The following POU2F3 variants were observed in gnomAD, a reference collection of about 807,000 sequenced individuals.
The protein encoded by POU2F3 is POU class 2 homeobox 3.
Under a neutral mutation model 59.2 loss-of-function variants are expected in POU2F3, and 23 were observed. That is an observed-to-expected ratio of 0.39 (90% CI 0.28 to 0.55). POU2F3 has a LOEUF of 0.55. Ranked by LOEUF, POU2F3 falls within the 20% of genes least tolerant of loss-of-function variation. The pLI is 0.66. For synonymous variants in POU2F3, 190 were observed against 214.6 expected, an observed-to-expected ratio of 0.89 and a Z score of 1.00; for missense variants, 473 against 544.5, an observed-to-expected ratio of 0.87 and a Z score of 1.31.
intron 6 of POU2F3, 36 bp downstream of exon 6, chr11:120,302,404 T>C (rs1426890964): frequency 6.5e-7 from 1 of 1,541,320 alleles, no homozygotes; most frequent in African/African-American, 1.4e-5. Context: ...CCTCTAGGAA[T>C]GTCTCAGCTC....
Position 120,307,693 on chromosome 11 carries a change from G to A in POU2F3, c.906+78G>A, listed in dbSNP as rs974033327. ...GAGCAGACACGGCCCAGGCCCCTTG[G>A]CACCAGCCCCTCCGCACCTCACACC... On this transcript the variant is annotated intron_variant, in intron 9 of 12. Coordinates refer to ENST00000543440, the MANE Select transcript of POU2F3 (RefSeq NM_014352.4). The A allele has an allele frequency of 5.7e-6, 9 of 1,570,414 alleles. No individual in the cohort carries two copies. In the African/African-American group the frequency reaches 8.1e-5, roughly 14 times the overall value.
chr11:120,282,986 T>C (rs1482430433), intron 3 of POU2F3, among the ~76,000 whole-genome samples: 2 of 152,210 alleles, frequency 1.3e-5, no homozygotes, highest in Non-Finnish European at 2.9e-5. Context: ...CATGGGTTCC[T>C]GCAGAGGCCA....
intron 1 of POU2F3, among the ~76,000 whole-genome samples, chr11:120,242,646 C>T (rs184641416): frequency 1.3e-5 from 2 of 152,256 alleles, no homozygotes; most frequent in Admixed American, 6.5e-5. Flanking sequence ...GGCTTGCTCC[C>T]GGGTCGCCCA....
intron 3 of POU2F3, among the ~76,000 whole-genome samples, chr11:120,290,400 A>G (rs1940977326): frequency 6.6e-6 from 1 of 152,164 alleles, no homozygotes; most frequent in Admixed American, 6.5e-5. Context: ...ACCATACATA[A>G]AAGCAATGTA....
intron 10 of POU2F3, among the ~76,000 whole-genome samples, chr11:120,312,822 T>C (rs889815113): frequency 7.9e-5 from 12 of 152,204 alleles, no homozygotes; most frequent in African/African-American, 2.7e-4. Flanking sequence ...GGAGCTTCTC[T>C]GAGGAATGAT....
intron 2 of POU2F3, among the ~76,000 whole-genome samples, chr11:120,249,597 G>A (rs938500232): frequency 1.3e-5 from 2 of 152,116 alleles, no homozygotes; most frequent in African/African-American, 4.8e-5. Flanking sequence ...TATTTCAAAA[G>A]CCCCCAGGTC....
chr11:120,308,038 A>G (rs2135121251), intron 9 of POU2F3, among the ~76,000 whole-genome samples: 1 of 152,272 alleles, frequency 6.6e-6, no homozygotes, highest in South Asian at 2.1e-4. Context: ...CTTATTGTAA[A>G]CAATTTAAGT....
At chr11:120,268,542 T>G (rs1324798822) in intron 2 of POU2F3, among the ~76,000 whole-genome samples, 1 of 152,162 alleles carries the variant, frequency 6.6e-6, no homozygotes, top group Non-Finnish European at 1.5e-5. Context: ...GGGGTCTCAC[T>G]GTGTTGCTCA....
At chr11:120,277,854 AATTT>A (rs1281824318) in intron 3 of POU2F3, among the ~76,000 whole-genome samples, 2 of 152,224 alleles carry the variant, frequency 1.3e-5, no homozygotes, top group Admixed American at 1.3e-4. Flanking sequence ...AAAGCAAAGT[AATTT>A]ATAAAACAAT....
chr11:120,275,645 C>A (rs1427021920), intron 3 of POU2F3, among the ~76,000 whole-genome samples: 2 of 152,116 alleles, frequency 1.3e-5, no homozygotes, highest in East Asian at 1.9e-4. Context: ...TCCTGTGAGG[C>A]CAGAAGAGAG....
chr11:120,299,615 C>T lies in POU2F3; in HGVS notation c.259-9C>T, dbSNP rs372501554. 3.0e-5 allele frequency: 49 copies of T among 1,611,066 alleles called. No homozygotes were observed. Among genetic ancestry groups the T allele is most frequent in the Admixed American group, 2.5e-4 (15 of 59,776 alleles). ...ATTCTGTGGTGTATGTGTATCTCTC[C>T]GTGTGTAGGACATGGCTTCCCTCCA... is the stretch of plus-strand genomic sequence containing the variant. On this transcript the variant is annotated splice_polypyrimidine_tract_variant and intron_variant, in intron 4 of 12. Transcript: ENST00000543440.
At chr11:120,237,282 G>A (rs564429758), upstream of POU2F3, among the ~76,000 whole-genome samples, 1 of 152,300 alleles carries the variant, frequency 6.6e-6, no homozygotes, top group South Asian at 2.1e-4. Context: ...TTGAGTGAAT[G>A]AGTAAATGAA....
chr11:120,280,643 A>G (rs1940527460), intron 3 of POU2F3, among the ~76,000 whole-genome samples: 1 of 145,882 alleles, frequency 6.9e-6, no homozygotes, highest in Admixed American at 7.3e-5. Context: ...AGAGAGAGAG[A>G]GAGAGTGTGT....
intron 2 of POU2F3, among the ~76,000 whole-genome samples, chr11:120,267,638 G>A (rs1471147040): frequency 2.0e-5 from 3 of 146,368 alleles, no homozygotes; most frequent in Non-Finnish European, 2.9e-5. Flanking sequence ...GAGGAAAAGG[G>A]GTTAAAACAG....
intron 3 of POU2F3, among the ~76,000 whole-genome samples, chr11:120,282,314 AG>A (rs1308335312): frequency 3.3e-5 from 5 of 152,264 alleles, no homozygotes; most frequent in Non-Finnish European, 5.9e-5. Flanking sequence ...TACAAATCAA[AG>A]TTTCATCAAT....
Position 120,283,063 on chromosome 11 carries a change from A to C in POU2F3, c.132+13819A>C, listed in dbSNP as rs368877747. ...GCAAGTGTGGCTGAGAAGAGTGATCAAGCTGGACTTGGACTCTAAGGCGAG... is the reference window on the plus strand; with the variant it reads ...GCAAGTGTGGCTGAGAAGAGTGATCCAGCTGGACTTGGACTCTAAGGCGAG... On this transcript the variant is annotated intron_variant, in intron 3 of 12. Coordinates refer to ENST00000543440, the MANE Select transcript of POU2F3 (RefSeq NM_014352.4). Among the ~76,000 whole-genome samples, 8 of 152,350 alleles carry C rather than the reference A, an allele frequency of 5.3e-5. No homozygotes were observed. The South Asian group carries it at 1.7e-3, about 32-fold the overall frequency.
intron 2 of POU2F3, among the ~76,000 whole-genome samples, chr11:120,247,967 G>A (rs747834861): frequency 2.6e-5 from 4 of 152,200 alleles, no homozygotes; most frequent in Admixed American, 1.3e-4. Flanking sequence ...CTGTTACTAA[G>A]ACCAAATCAG....
At chr11:120,290,571 C>G (rs1456046430) in intron 3 of POU2F3, among the ~76,000 whole-genome samples, 2 of 152,206 alleles carry the variant, frequency 1.3e-5, no homozygotes, top group African/African-American at 4.8e-5. Flanking sequence ...CTCTCCTCTT[C>G]CTAGCTGTGT....
At position 120,269,340 on chromosome 11, in the gene POU2F3, G is replaced by A. The variant is rs1047078136; in HGVS notation, c.132+96G>A. 13 of 1,100,548 alleles carry A rather than the reference G, an allele frequency of 1.2e-5. No individual in the cohort carries two copies. In the African/African-American group the frequency reaches 1.3e-4, roughly 11 times the overall value. The allele number at this position is 1,100,548 out of a possible 1,614,324, so 68.2% of individuals were successfully genotyped here. On this transcript the variant is annotated intron_variant, in intron 3 of 12. Coordinates refer to ENST00000543440, the MANE Select transcript of POU2F3 (RefSeq NM_014352.4). The stretch of plus-strand genomic sequence containing the variant: ...AGGAAGACAAGATTAAGTACAGTTT[G>A]GGGGTGTTTATTCACAAACCCCAAC...
Sources: allele counts gnomAD v4.1 joint callset (sites outside exome capture counted in the v4.1 genomes callset), GRCh38; gene constraint gnomAD v4.1.1; transcripts MANE v1.5; gene names NCBI Gene and HGNC (gene_info 2026-07-23, HGNC 2026-07-21).